The following ACVR1B variants were observed in gnomAD, a reference collection of about 807,000 sequenced individuals.
ACVR1B encodes activin receptor type-1B.
ACVR1B carries 15 observed loss-of-function variants against 55.6 expected under a neutral mutation model. That is an observed-to-expected ratio of 0.27 (90% CI 0.18 to 0.42). ACVR1B has a LOEUF of 0.42. ACVR1B is among the 10% of genes least tolerant of loss of function. ACVR1B has a pLI of 1.00. For missense variants in ACVR1B, 359 were observed against 670.1 expected (o/e 0.54, Z 5.13); for synonymous variants, 247 against 254.6 (o/e 0.97, Z 0.28).
Position 51,975,690 on chromosome 12 carries a change from G to A in ACVR1B, c.331+186G>A, listed in dbSNP as rs147172148. On this transcript the variant is annotated intron_variant, in intron 2 of 8. Coordinates refer to ENST00000257963, the MANE Select transcript of ACVR1B (RefSeq NM_004302.5). ...TTGTAGATTAGAGGGTGAGGAAGCA[G>A]ATTTTCAAGTTAGTCCCAGAGGTGC... Among the ~76,000 whole-genome samples the A allele has an allele frequency of 5.5e-3, 836 of 152,364 alleles. 7 individuals are homozygous for A. Among genetic ancestry groups the A allele is most frequent in the African/African-American group, 0.019 (774 of 41,572 alleles).
chr12:51,979,651 C>A (rs1941940547), intron 3 of ACVR1B, among the ~76,000 whole-genome samples: 1 of 152,154 alleles, frequency 6.6e-6, no homozygotes, highest in South Asian at 2.1e-4. Context: ...GCTGGGGAAG[C>A]AGGGGGACGT....
rs1942299884 is a variant in ACVR1B, at chr12:51,996,487, T to C, written c.*2377T>C. 1 of 152,626 alleles carries C rather than the reference T, an allele frequency of 6.6e-6. No homozygotes were observed. The highest frequency in any genetic ancestry group is 2.4e-5 in the African/African-American group (1 of 41,428). The allele number at this position is 152,626 out of a possible 1,614,324, so 9.5% of individuals were successfully genotyped here. Reference sequence around the variant, plus strand: ...CATTGTGTCATTGGGGGGACCGTCTTTACCCCTGCTGACCTCCCACCTATC... The same window carrying C: ...CATTGTGTCATTGGGGGGACCGTCTCTACCCCTGCTGACCTCCCACCTATC... On this transcript the variant is annotated 3_prime_UTR_variant, in exon 9 of 9. Transcript: ENST00000257963.
intron 1 of ACVR1B, among the ~76,000 whole-genome samples, chr12:51,957,094 T>G (rs543236851): frequency 6.6e-6 from 1 of 152,204 alleles, no homozygotes; most frequent in Non-Finnish European, 1.5e-5. Context: ...TTATTTTTAT[T>G]TTTAATTTTT....
chr12:51,967,219 G>A (rs1358446865), intron 1 of ACVR1B, among the ~76,000 whole-genome samples: 1 of 151,672 alleles, frequency 6.6e-6, no homozygotes, highest in Non-Finnish European at 1.5e-5. Context: ...CAGCCTGGGC[G>A]ACAGCGCGAG....
intron 1 of ACVR1B, among the ~76,000 whole-genome samples, chr12:51,957,955 A>G (rs988921310): frequency 6.6e-6 from 1 of 152,182 alleles, no homozygotes; most frequent in African/African-American, 2.4e-5. Flanking sequence ...CAGAAAGGAT[A>G]ACTTGTTTAC....
chr12:51,987,059 G>C (rs761539913), intron 7 of ACVR1B, 117 bp downstream of exon 7: 18 of 1,407,572 alleles, frequency 1.3e-5, no homozygotes, highest in Non-Finnish European at 1.7e-5. Context: ...GCCAGAGCCT[G>C]AATCATCGTT....
chr12:51,982,946 G>A (rs888714282), intron 4 of ACVR1B: 25 of 804,260 alleles, frequency 3.1e-5, no homozygotes, highest in Non-Finnish European at 5.2e-6. Flanking sequence ...AGTGCGAGAA[G>A]CAGTGTGTTG....
At chr12:51,969,687 A>G (rs889481154) in intron 1 of ACVR1B, among the ~76,000 whole-genome samples, 2 of 152,202 alleles carry the variant, frequency 1.3e-5, no homozygotes, top group African/African-American at 2.4e-5. Flanking sequence ...TAGTTATTTT[A>G]AAGTCACAAA....
chr12:51,991,157 A>G (rs1190991991), intron 7 of ACVR1B, among the ~76,000 whole-genome samples: 1 of 152,220 alleles, frequency 6.6e-6, no homozygotes. Context: ...ACCATTTTTC[A>G]AAATAATGAG....
intron 1 of ACVR1B, among the ~76,000 whole-genome samples, chr12:51,955,921 A>AC (rs1941400210): frequency 6.6e-6 from 1 of 152,212 alleles, no homozygotes; most frequent in African/African-American, 2.4e-5. Context: ...AGGTTCAGAT[A>AC]CCTGCTCTGA....
chr12:51,968,272 G>A (rs968131728), intron 1 of ACVR1B, among the ~76,000 whole-genome samples: 2 of 152,196 alleles, frequency 1.3e-5, no homozygotes, highest in African/African-American at 4.8e-5. Flanking sequence ...ATTGAGAAGC[G>A]TGCTATGGAA....
chr12:51,962,348 T>C (rs1941548364), intron 1 of ACVR1B, among the ~76,000 whole-genome samples: 1 of 152,232 alleles, frequency 6.6e-6, no homozygotes, highest in Non-Finnish European at 1.5e-5. Context: ...AAGTACTTTT[T>C]ACCAGTACAT....
chr12:51,992,125 A>C, intron 8 of ACVR1B, 132 bp downstream of exon 8: 1 of 1,203,280 alleles, frequency 8.3e-7, no homozygotes, highest in South Asian at 1.4e-5. Context: ...ATTACGTGCT[A>C]TTTTACATAT....
intron 4 of ACVR1B, among the ~76,000 whole-genome samples, chr12:51,983,636 A>G (rs1942024072): frequency 6.6e-6 from 1 of 152,222 alleles, no homozygotes. Context: ...CTTGGTCAGG[A>G]TCAAAGCAGT....
chr12:51,963,537 C>T (rs909545278), intron 1 of ACVR1B, among the ~76,000 whole-genome samples: 5 of 152,136 alleles, frequency 3.3e-5, no homozygotes, highest in Non-Finnish European at 5.9e-5. Context: ...CACGCCTGGC[C>T]GACATTTCAT....
At chr12:51,988,252 C>T (rs747980572) in intron 7 of ACVR1B, among the ~76,000 whole-genome samples, 3 of 152,178 alleles carry the variant, frequency 2.0e-5, no homozygotes, top group Non-Finnish European at 4.4e-5. Context: ...AGGCGGATCA[C>T]GAGGTCAAGA....
At chr12:51,985,937 G>T (rs1419148568) in intron 6 of ACVR1B, among the ~76,000 whole-genome samples, 1 of 152,164 alleles carries the variant, frequency 6.6e-6, no homozygotes, top group Admixed American at 6.5e-5. Flanking sequence ...GAATCTAAAT[G>T]AATTTAATTA....
In ACVR1B at chr12:51,951,731, G is replaced by GGT; in HGVS notation, c.-12_-11insTG. ...GCTGGGCTGCGGCGGCGGCGGCGGC[G>GGT]GCGGTGGTTACTATGGCGGAGTCGG... On this transcript the variant is annotated 5_prime_UTR_variant, in exon 1 of 9. Transcript: ENST00000257963. 1 of 1,234,064 alleles carries GGT rather than the reference G, an allele frequency of 8.1e-7. No individual in the cohort carries two copies. Among genetic ancestry groups the GGT allele is most frequent in the Non-Finnish European group, 1.0e-6 (1 of 977,630 alleles). The allele number at this position is 1,234,064 out of a possible 1,614,324, so 76.4% of individuals were successfully genotyped here.
chr12:51,964,513 G>A (rs1179271782), intron 1 of ACVR1B, among the ~76,000 whole-genome samples: 2 of 152,082 alleles, frequency 1.3e-5, no homozygotes, highest in South Asian at 4.1e-4. Flanking sequence ...TTGTGCTTTG[G>A]TGTCATATCT....
Sources: allele counts gnomAD v4.1 joint callset (sites outside exome capture counted in the v4.1 genomes callset), GRCh38; gene constraint gnomAD v4.1.1; transcripts MANE v1.5; gene names NCBI Gene and HGNC (gene_info 2026-07-23, HGNC 2026-07-21).